DIAPH3: variants seen among roughly 807,000 people sequenced by gnomAD.
DIAPH3 encodes diaphanous related formin 3, also known as protein diaphanous homolog 3.
Under a neutral mutation model 144.3 loss-of-function variants are expected in DIAPH3, and 117 were observed. The ratio of observed to expected loss-of-function variants is 0.81; its 90% CI spans 0.70 to 0.95. The LOEUF is 0.95. Ranked by LOEUF, DIAPH3 falls within the 40% of genes least tolerant of loss-of-function variation. DIAPH3 has a pLI of 0.00. For missense variants in DIAPH3, 1,421 were observed against 1,412.7 expected (o/e 1.01, Z -0.09); for synonymous variants, 519 against 488.9 (o/e 1.06, Z -0.81).
Position 59,994,777 on chromosome 13 carries a change from G to C in DIAPH3, c.1015-2194C>G, listed in dbSNP as rs931088666. ...ATGAGCGGTTTGTCAAGGTAGAAAG[G>C]GGAGTAACGGGAAGAAGTCAAGAAA... On this transcript the variant is annotated intron_variant, in intron 9 of 27. Coordinates refer to ENST00000400324, the MANE Select transcript of DIAPH3 (RefSeq NM_001042517.2). Among the ~76,000 whole-genome samples, 7 of 151,784 alleles carry C rather than the reference G, an allele frequency of 4.6e-5. No individual in the cohort carries two copies. The East Asian group carries it at 1.4e-3, about 29-fold the overall frequency.
At chr13:59,798,447 C>T (rs1156684450) in intron 25 of DIAPH3, among the ~76,000 whole-genome samples, 1 of 152,216 alleles carries the variant, frequency 6.6e-6, no homozygotes, top group Non-Finnish European at 1.5e-5. Context: ...TGCTACATTA[C>T]TGGTTAGTCC....
intron 20 of DIAPH3, among the ~76,000 whole-genome samples, chr13:59,908,546 C>T (rs1288488395): frequency 6.6e-6 from 1 of 151,964 alleles, no homozygotes; most frequent in African/African-American, 2.4e-5. Flanking sequence ...GGTGGAGCTA[C>T]ATCTTATGTT....
intron 27 of DIAPH3, among the ~76,000 whole-genome samples, chr13:59,756,444 A>AGAAG (rs921922529): frequency 1.5e-4 from 19 of 122,832 alleles, no homozygotes; most frequent in East Asian, 2.7e-4. Flanking sequence ...AAGGAAGGAA[A>AGAAG]GAAGGAAGGA....
At chr13:60,073,082 G>GCAGGCAGT (rs1328929860) in intron 4 of DIAPH3, among the ~76,000 whole-genome samples, 3 of 152,118 alleles carry the variant, frequency 2.0e-5, no homozygotes, top group African/African-American at 7.2e-5. Flanking sequence ...GGTGAGGCAG[G>GCAGGCAGT]CAGATCACCT....
intron 27 of DIAPH3, among the ~76,000 whole-genome samples, chr13:59,694,593 C>T (rs545426307): frequency 2.6e-5 from 4 of 152,216 alleles, no homozygotes; most frequent in Non-Finnish European, 5.9e-5. Context: ...ATAAACAATG[C>T]TCTTGGGATG....
intron 9 of DIAPH3, among the ~76,000 whole-genome samples, chr13:59,995,931 G>A (rs571667424): frequency 7.2e-5 from 11 of 152,054 alleles, no homozygotes; most frequent in African/African-American, 1.4e-4. Flanking sequence ...ATTTTCAACC[G>A]TAGGTTTCAA....
chr13:59,858,780 T>A (rs964472764), intron 22 of DIAPH3, among the ~76,000 whole-genome samples: 4 of 152,156 alleles, frequency 2.6e-5, no homozygotes, highest in Admixed American at 2.6e-4. Context: ...AGAAATACAA[T>A]AATGACTAAA....
intron 24 of DIAPH3, among the ~76,000 whole-genome samples, chr13:59,811,985 A>G (rs912636120): frequency 1.3e-5 from 2 of 152,194 alleles, no homozygotes; most frequent in African/African-American, 2.4e-5. Flanking sequence ...TTAAACACCA[A>G]TGAAACCAAA....
At chr13:59,985,009 G>A (rs2140743693) in intron 12 of DIAPH3, among the ~76,000 whole-genome samples, 1 of 112,106 alleles carries the variant, frequency 8.9e-6, no homozygotes, top group Non-Finnish European at 1.8e-5. Context: ...GCCGGGCAGA[G>A]ACACAACCAA....
intron 1 of DIAPH3, chr13:60,153,565 T>C (rs1397473543): frequency 2.0e-5 from 3 of 152,070 alleles, no homozygotes; most frequent in Non-Finnish European, 4.4e-5. Flanking sequence ...AGAATTAAAT[T>C]GATAGAAAGA....
At chr13:60,053,159 G>A (rs2056424518) in intron 4 of DIAPH3, among the ~76,000 whole-genome samples, 1 of 151,634 alleles carries the variant, frequency 6.6e-6, no homozygotes, top group Admixed American at 6.6e-5. Context: ...AGAATAATCA[G>A]AAATACTCCT....
chr13:59,860,869 C>T (rs1339869492), intron 22 of DIAPH3, among the ~76,000 whole-genome samples: 3 of 152,164 alleles, frequency 2.0e-5, no homozygotes, highest in African/African-American at 7.2e-5. Context: ...ATGACCTGAT[C>T]TAAGCCCACA....
At chr13:60,128,505 T>A (rs1399489564) in intron 2 of DIAPH3, among the ~76,000 whole-genome samples, 1 of 152,148 alleles carries the variant, frequency 6.6e-6, no homozygotes, top group Non-Finnish European at 1.5e-5. Context: ...AAATGCACGG[T>A]TTACCAAGCA....
At chr13:60,029,997 C>G (rs952302159) in intron 5 of DIAPH3, among the ~76,000 whole-genome samples, 46 of 152,074 alleles carry the variant, frequency 3.0e-4, no homozygotes, top group African/African-American at 1.1e-3. Flanking sequence ...CTCTGCCACA[C>G]GGTTTTTCCA....
At chr13:60,125,601 AT>A (rs2058971002) in intron 2 of DIAPH3, among the ~76,000 whole-genome samples, 1 of 151,996 alleles carries the variant, frequency 6.6e-6, no homozygotes, top group South Asian at 2.1e-4. Flanking sequence ...ATATCTTTGT[AT>A]TCCCTAGAAG....
At chr13:60,154,853 C>T (rs754778864) in intron 1 of DIAPH3, among the ~76,000 whole-genome samples, 3 of 152,154 alleles carry the variant, frequency 2.0e-5, no homozygotes, top group Non-Finnish European at 4.4e-5. Flanking sequence ...TATTCTTTAG[C>T]ATTCATTTGA....
At chr13:59,952,307 G>A (rs1007962407) in intron 17 of DIAPH3, among the ~76,000 whole-genome samples, 2 of 152,060 alleles carry the variant, frequency 1.3e-5, no homozygotes, top group Non-Finnish European at 1.5e-5. Flanking sequence ...TGATGAAAAT[G>A]TTTTAGAACT....
chr13:60,077,768 TCACATTAAAGAAAG>T lies in DIAPH3; in HGVS notation c.495+15846_495+15859del, dbSNP rs1393949153. Among the ~76,000 whole-genome samples the T allele has an allele frequency of 3.9e-5, 6 of 152,190 alleles. No homozygotes were observed. In the East Asian group the frequency reaches 7.7e-4, roughly 20 times the overall value. On this transcript the variant is annotated intron_variant, in intron 4 of 27. Transcript: ENST00000400324. ...CTGCCTTCGTGGAGCTTCTAGTTTA[TCACATTAAAGAAAG>T]CACATGATGCTGGGTGCACGCACAG...
chr13:59,895,140 CA>C (rs1169981188), intron 20 of DIAPH3, among the ~76,000 whole-genome samples: 1 of 151,742 alleles, frequency 6.6e-6, no homozygotes, highest in Non-Finnish European at 1.5e-5. Flanking sequence ...AGTATAAACA[CA>C]AAAAAAGGAA....
Sources: allele counts gnomAD v4.1 joint callset (sites outside exome capture counted in the v4.1 genomes callset), GRCh38; gene constraint gnomAD v4.1.1; transcripts MANE v1.5; gene names NCBI Gene and HGNC (gene_info 2026-07-23, HGNC 2026-07-21).